CEP135: variants seen among roughly 807,000 people sequenced by gnomAD.
The protein encoded by CEP135 is centrosomal protein 135.
A neutral mutation model predicts 157.3 loss-of-function variants in CEP135; 142 were observed. The ratio of observed to expected loss-of-function variants is 0.90; its 90% CI spans 0.79 to 1.04. The LOEUF (loss-of-function observed/expected upper bound fraction) is 1.04, where lower values mean the gene tolerates loss of function less well. Among genes scored for constraint, CEP135 ranks in the 50% least tolerant of loss-of-function variants. The pLI is 0.00. For synonymous variants in CEP135, 396 were observed against 439.8 expected, an observed-to-expected ratio of 0.90 and a Z score of 1.25; for missense variants, 1,317 against 1,309.2, an observed-to-expected ratio of 1.01 and a Z score of -0.09.
chr4:55,964,266 AT>A lies in CEP135; in HGVS notation c.700-7del. 6.2e-7 allele frequency: 1 copy of A among 1,601,570 alleles called. No homozygotes were observed. The highest frequency in any genetic ancestry group is 8.5e-7 in the Non-Finnish European group (1 of 1,175,848). Reference sequence around the variant, plus strand: ...TTTTTTAAAATGACAGCATGACTATATCTTCAGATTGAGCTAAGAGAACGAG... The same window carrying A: ...TTTTTTAAAATGACAGCATGACTATACTTCAGATTGAGCTAAGAGAACGAG... On this transcript the variant is annotated splice_region_variant and splice_polypyrimidine_tract_variant and intron_variant, in intron 6 of 25. Coordinates refer to ENST00000257287, the MANE Select transcript of CEP135 (RefSeq NM_025009.5).
At chr4:55,962,745 G>A (rs988258276) in intron 6 of CEP135, among the ~76,000 whole-genome samples, 1 of 71,302 alleles carries the variant, frequency 1.4e-5, no homozygotes, top group African/African-American at 5.4e-5. Flanking sequence ...TTTTTTTTTT[G>A]CTTTTTTTCA....
intron 9 of CEP135, among the ~76,000 whole-genome samples, chr4:55,969,863 TTTTA>T (rs546828955): frequency 6.6e-6 from 1 of 152,066 alleles, no homozygotes; most frequent in Non-Finnish European, 1.5e-5. Flanking sequence ...CTCCATCCTC[TTTTA>T]TTTATTTATT....
In CEP135 at chr4:55,950,331, G is replaced by C. The variant is rs186440220; in HGVS notation, c.-46+1272G>C. On this transcript the variant is annotated intron_variant, in intron 1 of 25. Coordinates refer to ENST00000257287, the MANE Select transcript of CEP135 (RefSeq NM_025009.5). The stretch of plus-strand genomic sequence containing the variant: ...GGTCTTTCTCCCTCACAGGGTAGCT[G>C]TGAGGATCGACTTTTACATGTATGC... 4.6e-5 allele frequency among the ~76,000 whole-genome samples: 7 copies of C among 152,280 alleles called. No individual in the cohort carries two copies. In the East Asian group the frequency reaches 1.4e-3, roughly 29 times the overall value.
intron 17 of CEP135, among the ~76,000 whole-genome samples, chr4:56,002,470 T>C (rs1284116132): frequency 2.0e-5 from 3 of 152,166 alleles, no homozygotes; most frequent in Non-Finnish European, 4.4e-5. Flanking sequence ...GAATGCTTTT[T>C]CAGCATCTAT....
At chr4:55,968,995 T>A in intron 8 of CEP135, 68 bp from the exon 9 acceptor site, 1 of 1,174,382 alleles carries the variant, frequency 8.5e-7, no homozygotes, top group East Asian at 2.5e-5. Flanking sequence ...AATTACTTGA[T>A]CTATTTGCAT....
At chr4:55,981,098 G>T in intron 12 of CEP135, 129 bp from the exon 13 acceptor site, 1 of 771,530 alleles carries the variant, frequency 1.3e-6, no homozygotes, top group Non-Finnish European at 1.9e-6. Context: ...CTTTTGTTGG[G>T]ATTTGCGAAG....
intron 4 of CEP135, among the ~76,000 whole-genome samples, chr4:55,956,591 T>C (rs62308565): frequency 0.23 from 35,383 of 152,066 alleles, 4,212 homozygotes; most frequent in Middle Eastern, 0.27. Flanking sequence ...GAGCTCATAA[T>C]AGTGAACACC....
Position 55,999,646 on chromosome 4 carries a change from G to A in CEP135, c.2280+1G>A. On this transcript the variant is annotated splice_donor_variant, in intron 17 of 25. Coordinates refer to ENST00000257287, the MANE Select transcript of CEP135 (RefSeq NM_025009.5). LOFTEE classifies it high-confidence loss of function. ...TTTGCAAGAAAACCTAGCTAATAAA[G>A]TATGTGATCGTTTAATGTAATTTTC... 7 of 1,580,388 alleles carry A rather than the reference G, an allele frequency of 4.4e-6. No individual in the cohort carries two copies. Among genetic ancestry groups the A allele is most frequent in the Non-Finnish European group, 6.0e-6 (7 of 1,171,874 alleles).
intron 14 of CEP135, among the ~76,000 whole-genome samples, chr4:55,989,787 C>G (rs1300385496): frequency 6.6e-6 from 1 of 152,176 alleles, no homozygotes; most frequent in Non-Finnish European, 1.5e-5. Flanking sequence ...TAGAAATTAT[C>G]AAGTTGTAAC....
At chr4:55,954,566 G>C (rs151259963) in intron 4 of CEP135, among the ~76,000 whole-genome samples, 183 bp downstream of exon 4, 1 of 152,066 alleles carries the variant, frequency 6.6e-6, no homozygotes, top group African/African-American at 2.4e-5. Flanking sequence ...TAATTTATAC[G>C]TGTGCTTAGA....
chr4:56,007,239 C>CTTATTCTTATT (rs1730379692), intron 17 of CEP135, among the ~76,000 whole-genome samples: 1 of 152,162 alleles, frequency 6.6e-6, no homozygotes, highest in Admixed American at 6.5e-5. Flanking sequence ...AGAGATTCTT[C>CTTATTCTTATT]AAACTTTATT....
At chr4:56,009,427 T>G (rs898527306) in intron 18 of CEP135, among the ~76,000 whole-genome samples, 3 of 152,048 alleles carry the variant, frequency 2.0e-5, no homozygotes, top group South Asian at 2.1e-4. Flanking sequence ...CTCCCAAAGT[T>G]CTGGGATTAC....
At position 55,976,987 on chromosome 4, in the gene CEP135, G is replaced by T. The variant is rs201331126; in HGVS notation, c.1473+2018G>T. ...ACCATGCCTGGCTTTTTTTTTTTTT[G>T]TTTTTTGTATTTTTTGTAGAGATAG... On this transcript the variant is annotated intron_variant, in intron 11 of 25. Transcript: ENST00000257287. 1.9e-3 allele frequency among the ~76,000 whole-genome samples: 273 copies of T among 146,830 alleles called. 2 individuals are homozygous for T. Among genetic ancestry groups the T allele is most frequent in the East Asian group, 0.018 (91 of 5,022 alleles).
At chr4:56,008,466 T>C (rs1234734633) in intron 18 of CEP135, 84 bp downstream of exon 18, 9 of 1,067,560 alleles carry the variant, frequency 8.4e-6, no homozygotes, top group Non-Finnish European at 2.8e-6. Flanking sequence ...ATTGCAGCAA[T>C]AGAAGAATTT....
intron 21 of CEP135, among the ~76,000 whole-genome samples, chr4:56,014,133 C>T (rs146296673): frequency 2.0e-4 from 31 of 152,244 alleles, no homozygotes; most frequent in African/African-American, 6.5e-4. Flanking sequence ...TCCAGCTTAC[C>T]GAATTGTGAG....
intron 24 of CEP135, among the ~76,000 whole-genome samples, chr4:56,021,087 C>T (rs918547927): frequency 7.9e-5 from 12 of 151,892 alleles, no homozygotes; most frequent in East Asian, 7.7e-4. Context: ...TATAGCATTC[C>T]GCAGGACAAA....
At chr4:56,026,737 AG>A (rs1307056125) in intron 25 of CEP135, among the ~76,000 whole-genome samples, 2 of 152,252 alleles carry the variant, frequency 1.3e-5, no homozygotes, top group African/African-American at 4.8e-5. Context: ...GTAAAGTGCC[AG>A]GATGCATTTG....
At chr4:56,000,597 G>A (rs1364080012) in intron 17 of CEP135, among the ~76,000 whole-genome samples, 1 of 152,150 alleles carries the variant, frequency 6.6e-6, no homozygotes, top group African/African-American at 2.4e-5. Context: ...ATATTTGTCT[G>A]TCTGTGCTTG....
In CEP135 at chr4:56,017,163, A is replaced by C. The variant is rs560305750; in HGVS notation, c.2803-485A>C. Among the ~76,000 whole-genome samples the C allele has an allele frequency of 2.8e-4, 42 of 152,240 alleles. 1 individual carries two copies. Among genetic ancestry groups the C allele is most frequent in the Non-Finnish European group, 5.1e-4 (35 of 68,008 alleles). ...CATTATTTCAGTTATTAAAATATTAAAGTTGTTTACTATTTATTTAAGTTA... is the reference window on the plus strand; with the variant it reads ...CATTATTTCAGTTATTAAAATATTACAGTTGTTTACTATTTATTTAAGTTA... On this transcript the variant is annotated intron_variant, in intron 21 of 25. Transcript: ENST00000257287.
Sources: gnomAD v4.1 joint callset for allele counts (sites outside exome capture counted in the v4.1 genomes callset) on GRCh38, gnomAD v4.1.1 for gene constraint, MANE v1.5 for transcripts, NCBI Gene and HGNC (gene_info 2026-07-23, HGNC 2026-07-21) for gene names.